The following ST3GAL2 variants were observed in gnomAD, a reference collection of about 807,000 sequenced individuals.
The protein encoded by ST3GAL2 is ST3 beta-galactoside alpha-2,3-sialyltransferase 2, also known as CMP-N-acetylneuraminate-beta-galactosamide-alpha-2,3-sialyltransferase 2.
A neutral mutation model predicts 37.5 loss-of-function variants in ST3GAL2; 16 were observed. The observed-to-expected ratio is 0.43, with a 90% CI of 0.29 to 0.65. The LOEUF (loss-of-function observed/expected upper bound fraction) is 0.65. Ranked by LOEUF, ST3GAL2 falls within the 30% of genes least tolerant of loss-of-function variation. The probability of loss-of-function intolerance (pLI) is 0.17; values close to 1 mark genes in which losing one functional copy is unlikely to be tolerated. For missense variants in ST3GAL2, 383 were observed against 487.8 expected (o/e 0.79, Z 2.02); for synonymous variants, 238 against 202.9 (o/e 1.17, Z -1.47).
chr16:70,434,793 C>T, intron 1 of ST3GAL2, among the ~76,000 whole-genome samples: 1 of 152,202 alleles, frequency 6.6e-6, no homozygotes, highest in East Asian at 1.9e-4. Flanking sequence ...TCCGTTGGCA[C>T]TGGAATCAGG....
rs930155811 is a variant in ST3GAL2, at chr16:70,379,632, A to G, written c.*2057T>C. 3 of 152,026 alleles carry G rather than the reference A, an allele frequency of 2.0e-5. No individual in the cohort carries two copies. The South Asian group carries it at 6.2e-4, about 32-fold the overall frequency. 9.4% of individuals were successfully genotyped at this position (152,026 alleles called of 1,614,324 possible). A position where few individuals can be genotyped will look rare whatever the true frequency, so the allele number is the denominator to read the frequency against. ...TTCCAGGATGGGGATTCATGATTTA[A>G]TTTTTTTGAGACAGGGTCTTGCTCT... On this transcript the variant is annotated 3_prime_UTR_variant, in exon 7 of 7. Coordinates refer to ENST00000342907, the MANE Select transcript of ST3GAL2 (RefSeq NM_006927.4).
In ST3GAL2 at chr16:70,378,111, G is replaced by T. The variant is rs569481515; in HGVS notation, c.*3578C>A. 1.4e-4 allele frequency: 22 copies of T among 152,300 alleles called. No homozygotes were observed. The highest frequency in any genetic ancestry group is 5.3e-4 in the African/African-American group (22 of 41,576). 9.4% of individuals were successfully genotyped at this position (152,300 alleles called of 1,614,324 possible). A position where few individuals can be genotyped will look rare whatever the true frequency, so the allele number is the denominator to read the frequency against. On this transcript the variant is annotated 3_prime_UTR_variant, in exon 7 of 7. Coordinates refer to ENST00000342907, the MANE Select transcript of ST3GAL2 (RefSeq NM_006927.4). ...GCTCCCATTTTAGCAATAAAGGGAA[G>T]TAGAATGATATTTATAGGAGTTTTA...
intron 2 of ST3GAL2, among the ~76,000 whole-genome samples, chr16:70,396,010 C>T (rs1381630420): frequency 1.4e-5 from 2 of 147,412 alleles, no homozygotes; most frequent in African/African-American, 2.5e-5. Flanking sequence ...TCACTCTTGT[C>T]GCCCAGGCTG....
At chr16:70,392,249 C>A (rs1178223842) in intron 3 of ST3GAL2, among the ~76,000 whole-genome samples, 2 of 152,230 alleles carry the variant, frequency 1.3e-5, no homozygotes, top group Admixed American at 1.3e-4. Flanking sequence ...AGGGAAGGAA[C>A]ATGGCACTCT....
chr16:70,409,283 T>G (rs1163766485), intron 1 of ST3GAL2, among the ~76,000 whole-genome samples: 1 of 152,014 alleles, frequency 6.6e-6, no homozygotes, highest in Non-Finnish European at 1.5e-5. Flanking sequence ...ATGAAAAAAG[T>G]TCAAACCACC....
Position 70,389,095 on chromosome 16 carries a change from G to A in ST3GAL2, c.534-549C>T, listed in dbSNP as rs1001051718. Among the ~76,000 whole-genome samples the A allele has an allele frequency of 7.7e-5, 10 of 130,094 alleles. No individual in the cohort carries two copies. The South Asian group carries it at 1.7e-3, about 22-fold the overall frequency. 85.3% of individuals were successfully genotyped at this position (130,094 alleles called of 152,430 possible). On this transcript the variant is annotated intron_variant, in intron 3 of 6. Coordinates refer to ENST00000342907, the MANE Select transcript of ST3GAL2 (RefSeq NM_006927.4). ...GTCTCCAAAAAAAAAAAAAAAAAAG[G>A]TTGGCCGGGCGCGGTGGCTCACACC...
chr16:70,407,595 C>A (rs1245719974), intron 1 of ST3GAL2, among the ~76,000 whole-genome samples: 1 of 152,176 alleles, frequency 6.6e-6, no homozygotes, highest in Admixed American at 6.6e-5. Flanking sequence ...GCAGCAAGGG[C>A]CTTGAAGACC....
chr16:70,408,529 C>T (rs1363014421), intron 1 of ST3GAL2, among the ~76,000 whole-genome samples: 2 of 152,092 alleles, frequency 1.3e-5, no homozygotes, highest in Admixed American at 6.6e-5. Context: ...GCTTGGTTAA[C>T]TGAAGTCACC....
At position 70,398,417 on chromosome 16, in the gene ST3GAL2, G is replaced by T. The variant is rs779420839; in HGVS notation, c.114C>A (p.Asp38Glu). 1 of 1,613,622 alleles carries T rather than the reference G, an allele frequency of 6.2e-7. No individual in the cohort carries two copies. Among genetic ancestry groups the T allele is most frequent in the African/African-American group, 1.3e-5 (1 of 74,958 alleles). ...HHSMATLPYL[D>E]SGALDGTHRV... is the part of the protein sequence containing the mutation. ...GGTGCGTCCCATCCAGGGCCCCTGAGTCCAGGTAGGGGAGCGTGGCCATGC... is the reference window on the plus strand; with the variant it reads ...GGTGCGTCCCATCCAGGGCCCCTGATTCCAGGTAGGGGAGCGTGGCCATGC... The change falls in exon 2 of 7, where the codon GAC becomes GAA. Residue 38 changes from aspartate to glutamate, a missense_variant. Transcript: ENST00000342907.
intron 1 of ST3GAL2, among the ~76,000 whole-genome samples, chr16:70,413,629 C>G (rs935791823): frequency 6.8e-6 from 1 of 147,804 alleles, no homozygotes; most frequent in African/African-American, 2.5e-5. Flanking sequence ...CCAGCTACTC[C>G]GGAGGCTGAG....
chr16:70,424,900 G>A (rs2047739907), intron 1 of ST3GAL2, among the ~76,000 whole-genome samples: 1 of 152,164 alleles, frequency 6.6e-6, no homozygotes, highest in African/African-American at 2.4e-5. Flanking sequence ...GGAGTCCTGG[G>A]TTCACTCTGA....
At chr16:70,420,558 CG>C (rs1482881797) in intron 1 of ST3GAL2, among the ~76,000 whole-genome samples, 1 of 152,116 alleles carries the variant, frequency 6.6e-6, no homozygotes, top group Non-Finnish European at 1.5e-5. Context: ...GAGAGCCTGG[CG>C]AAAGGGCCTG....
At chr16:70,407,180 G>A (rs955007552) in intron 1 of ST3GAL2, among the ~76,000 whole-genome samples, 1 of 149,636 alleles carries the variant, frequency 6.7e-6, no homozygotes, top group Non-Finnish European at 1.5e-5. Context: ...TCACTCGGTT[G>A]CCCAGGCTGG....
intron 4 of ST3GAL2, among the ~76,000 whole-genome samples, chr16:70,386,124 G>A (rs1262169077): frequency 4.0e-5 from 6 of 151,334 alleles, no homozygotes; most frequent in Non-Finnish European, 7.4e-5. Flanking sequence ...AGGTTCGAGC[G>A]ATTCTCCTGC....
intron 3 of ST3GAL2, among the ~76,000 whole-genome samples, chr16:70,389,514 G>A (rs1446565771): frequency 6.6e-6 from 1 of 152,132 alleles, no homozygotes; most frequent in African/African-American, 2.4e-5. Context: ...GCCCAGGCTG[G>A]AGTCCAGTGG....
chr16:70,394,575 G>A (rs747265187), intron 3 of ST3GAL2, among the ~76,000 whole-genome samples: 2 of 152,030 alleles, frequency 1.3e-5, no homozygotes, highest in Admixed American at 6.6e-5. Flanking sequence ...ACAGGGTTTC[G>A]CCATGTTACC....
chr16:70,436,221 A>T (rs543048323), intron 1 of ST3GAL2, among the ~76,000 whole-genome samples: 1 of 152,290 alleles, frequency 6.6e-6, no homozygotes, highest in East Asian at 1.9e-4. Context: ...TGAGGTCAGG[A>T]GTTCGAAACC....
intron 1 of ST3GAL2, among the ~76,000 whole-genome samples, chr16:70,402,216 T>C (rs2151665677): frequency 6.8e-6 from 1 of 147,842 alleles, no homozygotes; most frequent in African/African-American, 2.5e-5. Flanking sequence ...GGAGAATCGC[T>C]TGAACCCAGG....
intron 3 of ST3GAL2, among the ~76,000 whole-genome samples, chr16:70,389,075 C>CAA (rs77375368): frequency 0.075 from 3,978 of 53,190 alleles, 426 homozygotes; most frequent in African/African-American, 0.25. Flanking sequence ...CTCTTGTCTC[C>CAA]AAAAAAAAAA....
Sources: allele counts gnomAD v4.1 joint callset (sites outside exome capture counted in the v4.1 genomes callset), GRCh38; gene constraint gnomAD v4.1.1; transcripts MANE v1.5; gene names NCBI Gene and HGNC (gene_info 2026-07-23, HGNC 2026-07-21).